The following PERM1 variants were observed in gnomAD, a reference collection of about 807,000 sequenced individuals.
PERM1 encodes PPARGC1 and ESRR induced regulator, muscle 1.
A neutral mutation model predicts 44.1 loss-of-function variants in PERM1; 45 were observed. That is an observed-to-expected ratio of 1.02 (90% confidence interval 0.80 to 1.31). The LOEUF (loss-of-function observed/expected upper bound fraction) is 1.31, where lower values mean the gene tolerates loss of function less well. Ranked by LOEUF, PERM1 falls within the 50% of genes most tolerant of loss-of-function variation. PERM1 has a pLI of 0.00. For synonymous variants in PERM1, 565 were observed against 477.1 expected (o/e 1.18, Z -2.40); for missense variants, 1,189 against 1,106.9 (o/e 1.07, Z -1.05).
chr1:979,785 A>T (rs1170614413), exon 1 of PERM1: 1 of 1,550,348 alleles, frequency 6.5e-7, no homozygotes, highest in East Asian at 2.4e-5. Flanking sequence ...GGCCTGCTGT[A>T]GGCAAGGCCA....
intron 2 of PERM1, 88 bp from the exon 4 acceptor site, chr1:976,357 G>A: frequency 6.8e-7 from 1 of 1,478,370 alleles, no homozygotes; most frequent in Non-Finnish European, 9.0e-7. Flanking sequence ...GGGCGGGCAA[G>A]GTCGGTGCGG....
intron 2 of PERM1, 50 bp downstream of exon 3, chr1:976,449 C>T (rs1162005160): frequency 3.9e-6 from 6 of 1,548,872 alleles, no homozygotes; most frequent in Admixed American, 3.9e-5. Context: ...TGCCAGCGCC[C>T]CTCGGTCTGG....
chr1:982,065 C>G (rs1372281544), upstream of PERM1: 1 of 1,288,432 alleles, frequency 7.8e-7, no homozygotes, highest in Non-Finnish European at 1.0e-6. Flanking sequence ...CATGTCCTAC[C>G]TGGGTCCCGG....
At chr1:981,986 G>A (rs1463077852), upstream of PERM1, 5 of 1,190,686 alleles carry the variant, frequency 4.2e-6, no homozygotes, top group Admixed American at 2.4e-5. Context: ...CCTCCTCTCT[G>A]GTCTCTTGAG....
exon 3 of PERM1, chr1:976,014 C>T: frequency 1.4e-6 from 1 of 722,868 alleles, no homozygotes; most frequent in Non-Finnish European, 2.2e-6. Flanking sequence ...TGGCTGGATC[C>T]TCAGGTGAGT....
At chr1:981,128 C>T, upstream of PERM1, 2 of 1,549,172 alleles carry the variant, frequency 1.3e-6, no homozygotes, top group Non-Finnish European at 1.7e-6. Flanking sequence ...CGCCCCTGCC[C>T]CACGAGACCT....
exon 2 of PERM1, chr1:976,518 G>T: frequency 6.5e-7 from 1 of 1,549,542 alleles, no homozygotes; most frequent in Non-Finnish European, 8.7e-7. Flanking sequence ...AGGCGTCTGG[G>T]GTATGCGGAT....
exon 1 of PERM1, chr1:980,007 C>T (rs758662102): frequency 9.6e-5 from 148 of 1,548,384 alleles, no homozygotes; most frequent in Admixed American, 1.6e-4. Flanking sequence ...CAGCCATGTC[C>T]GTGTCAGGTT....
exon 3 of PERM1, chr1:976,106 C>T: frequency 6.8e-7 from 1 of 1,478,204 alleles, no homozygotes; most frequent in Non-Finnish European, 9.1e-7. Context: ...AGGGCGGCAC[C>T]TCGTCCTGCC....
At chr1:978,812 G>C (rs2340595) in intron 1 of PERM1, 69 bp downstream of exon 2, 1,327,679 of 1,376,124 alleles carry the variant, frequency 0.96, 641,274 homozygotes, top group East Asian at 1. Context: ...GCGGCCCCCT[G>C]CTTGGCCAAG....
chr1:979,728 A>G, exon 1 of PERM1: 5 of 1,550,310 alleles, frequency 3.2e-6, no homozygotes, highest in Non-Finnish European at 4.4e-6. Context: ...TCCTCGGCAC[A>G]GCCTCCGAGA....
exon 1 of PERM1, chr1:980,270 C>T (rs1245430311): frequency 6.5e-7 from 1 of 1,550,266 alleles, no homozygotes; most frequent in Non-Finnish European, 8.7e-7. Context: ...GTAGACAGGC[C>T]CAAACCTGGC....
chr1:976,657 T>G, intron 1 of PERM1, 33 bp from the exon 3 acceptor site: 1 of 1,547,494 alleles, frequency 6.5e-7, no homozygotes, highest in Non-Finnish European at 8.7e-7. Flanking sequence ...GCCCCACGGC[T>G]GCACTCAGAG....
At chr1:980,146 T>A in exon 1 of PERM1, 1 of 1,550,390 alleles carries the variant, frequency 6.4e-7, no homozygotes, top group Non-Finnish European at 8.7e-7. Context: ...CATGTCTGAC[T>A]TAGCCCTTGA....
At chr1:978,521 G>A (rs185665922) in intron 1 of PERM1, among the ~76,000 whole-genome samples, 1 of 152,362 alleles carries the variant, frequency 6.6e-6, no homozygotes, top group African/African-American at 2.4e-5. Flanking sequence ...GTTCTGGTCT[G>A]TAAAGCATCT....
chr1:976,087 G>A (rs1056900762), exon 3 of PERM1: 2 of 1,344,182 alleles, frequency 1.5e-6, no homozygotes, highest in Admixed American at 2.4e-5. Context: ...GGGTCAGAGG[G>A]CCCGGGCGAG....
chr1:978,319 G>A (rs1345964904), intron 1 of PERM1, among the ~76,000 whole-genome samples: 4 of 149,172 alleles, frequency 2.7e-5, no homozygotes, highest in South Asian at 4.3e-4. Context: ...CCCTGGACAC[G>A]TCTTCCCGAA....
At chr1:979,541 G>C in exon 1 of PERM1, 1 of 1,550,012 alleles carries the variant, frequency 6.5e-7, no homozygotes, top group East Asian at 2.4e-5. Context: ...CTGGGGACTT[G>C]GGTGAGACCC....
chr1:978,569 G>A (rs939788786), intron 1 of PERM1, among the ~76,000 whole-genome samples: 2 of 152,254 alleles, frequency 1.3e-5, no homozygotes, highest in African/African-American at 4.8e-5. Flanking sequence ...CTCGTAGAGT[G>A]CCTGACCCTG....
Sources: gnomAD v4.1 joint callset for allele counts (sites outside exome capture counted in the v4.1 genomes callset) on GRCh38, gnomAD v4.1.1 for gene constraint, MANE v1.5 for transcripts, NCBI Gene and HGNC (gene_info 2026-07-23, HGNC 2026-07-21) for gene names.